Variants in LCA5L observed in about 807,000 individuals in gnomAD.
LCA5L encodes lebercilin LCA5 like.
In LCA5L, 35 loss-of-function variants were observed where a neutral mutation model predicts 45.4. The observed-to-expected ratio is 0.77, with a 90% CI of 0.59 to 1.02. The LOEUF is 1.02. Ranked by LOEUF, LCA5L falls within the 50% of genes least tolerant of loss-of-function variation. LCA5L has a pLI of 0.00. For missense variants in LCA5L, 668 were observed against 761.6 expected, an observed-to-expected ratio of 0.88 and a Z score of 1.45; for synonymous variants, 233 against 264.7, an observed-to-expected ratio of 0.88 and a Z score of 1.16.
At chr21:39,419,139 C>T (rs781460792) in intron 7 of LCA5L, among the ~76,000 whole-genome samples, 16 of 152,056 alleles carry the variant, frequency 1.1e-4, no homozygotes, top group Non-Finnish European at 1.8e-4. Flanking sequence ...CGTCCAGCTC[C>T]GCCCCAACTC....
intron 5 of LCA5L, among the ~76,000 whole-genome samples, chr21:39,424,737 A>G (rs919470196): frequency 1.3e-5 from 2 of 152,340 alleles, no homozygotes; most frequent in East Asian, 1.9e-4. Flanking sequence ...AATAAATCCA[A>G]CACAGTTAAT....
intron 8 of LCA5L, chr21:39,410,721 G>C (rs1343426878): frequency 2.5e-6 from 1 of 408,006 alleles, no homozygotes; most frequent in East Asian, 7.0e-5. Flanking sequence ...TTGATTATCA[G>C]TGGTTAGACT....
rs1243624818 is a variant in LCA5L at position 39,406,190 on chromosome 21, G to A, written c.1705C>T (p.His569Tyr). 3 of 1,614,176 alleles carry A rather than the reference G, an allele frequency of 1.9e-6. No homozygotes were observed. In the Admixed American group the frequency reaches 5.0e-5, roughly 27 times the overall value. The change falls in exon 11 of 11, where the codon CAT becomes TAT. Residue 569 changes from histidine (H) to tyrosine (Y), a missense_variant. By Grantham distance (83) the His-to-Tyr change is moderately conservative (BLOSUM62 2). Transcript: ENST00000288350. ...GAGGGCTCATACCCACTGTCAGAATGCTCTAGCTCCATTTCCTCTCTGTTA... is the reference window on the plus strand; with the variant it reads ...GAGGGCTCATACCCACTGTCAGAATACTCTAGCTCCATTTCCTCTCTGTTA... ...LSNREEMELE[H>Y]SDSGYEPSFG...
At chr21:39,434,022 A>G (rs2076048852) in intron 3 of LCA5L, among the ~76,000 whole-genome samples, 1 of 150,720 alleles carries the variant, frequency 6.6e-6, no homozygotes, top group Non-Finnish European at 1.5e-5. Context: ...ACTTGTACAT[A>G]AATTATACTC....
intron 5 of LCA5L, among the ~76,000 whole-genome samples, chr21:39,424,462 C>CA (rs1180754991): frequency 4.6e-5 from 7 of 152,190 alleles, no homozygotes; most frequent in Non-Finnish European, 8.8e-5. Flanking sequence ...GCCTGGGTGA[C>CA]AAAGTGAGAC....
chr21:39,407,926 T>C (rs1392058183), intron 10 of LCA5L: 4 of 152,224 alleles, frequency 2.6e-5, no homozygotes, highest in Non-Finnish European at 5.9e-5. Context: ...CGGTGAGTTC[T>C]GTCAAACTAC....
rs779480022 is a variant in LCA5L, at chr21:39,409,941, G to GA, written c.1282+37dup. 1 of 1,188,320 alleles carries GA rather than the reference G, an allele frequency of 8.4e-7. No homozygotes were observed. The allele number at this position is 1,188,320 out of a possible 1,614,324, so 73.6% of individuals were successfully genotyped here. On this transcript the variant is annotated intron_variant, in intron 10 of 10. Transcript: ENST00000288350. This position sits in a 1 kb window ranked among gnomAD's most constrained non-coding sequence, Gnocchi z 4.2. Reference sequence around the variant, plus strand: ...ACATATAGTAATTCACAATTTTAAAGAAATCAGATAAGATAGACTTTAAAG... The same window carrying GA: ...ACATATAGTAATTCACAATTTTAAAGAAAATCAGATAAGATAGACTTTAAAG...
At chr21:39,438,155 T>C (rs1916031986) in intron 2 of LCA5L, among the ~76,000 whole-genome samples, 1 of 152,130 alleles carries the variant, frequency 6.6e-6, no homozygotes, top group Non-Finnish European at 1.5e-5. Context: ...TACTAATGCT[T>C]TGACAGAACA....
At chr21:39,437,001 G>A (rs955674831) in intron 2 of LCA5L, among the ~76,000 whole-genome samples, 1 of 152,180 alleles carries the variant, frequency 6.6e-6, no homozygotes, top group Non-Finnish European at 1.5e-5. Context: ...CACAAGGCAT[G>A]CATTCTGGCT....
chr21:39,430,673 C>T (rs530146831), intron 3 of LCA5L, among the ~76,000 whole-genome samples: 2 of 152,218 alleles, frequency 1.3e-5, no homozygotes, highest in Non-Finnish European at 2.9e-5. Context: ...TCCCCCCATC[C>T]CCCCAGCTGA....
chr21:39,414,764 G>T (rs1233348604), intron 7 of LCA5L, among the ~76,000 whole-genome samples: 4 of 151,228 alleles, frequency 2.6e-5, no homozygotes, highest in Admixed American at 2.6e-4. Context: ...GTGTGTGTGT[G>T]TGTGTGTGTG....
In LCA5L at chr21:39,409,478, G is replaced by T. The variant is rs1490150351; in HGVS notation, c.1282+501C>A. Among the ~76,000 whole-genome samples the T allele has an allele frequency of 6.6e-6, 1 of 152,168 alleles. No individual in the cohort carries two copies. On this transcript the variant is annotated intron_variant, in intron 10 of 10. Transcript: ENST00000288350. This position sits in a 1 kb window ranked among gnomAD's most constrained non-coding sequence, Gnocchi z 4.2. ...TGGTTTCTGGTGGGCAGGGCGAGGGGATATGATTGTGAAGGGCCCAAGGGT... is the reference window on the plus strand; with the variant it reads ...TGGTTTCTGGTGGGCAGGGCGAGGGTATATGATTGTGAAGGGCCCAAGGGT...
At chr21:39,407,799 A>G (rs1174581207) in intron 10 of LCA5L, 1 of 152,236 alleles carries the variant, frequency 6.6e-6, no homozygotes, top group African/African-American at 2.4e-5. Context: ...CTAGGACACT[A>G]TGAATTAGGA....
chr21:39,427,650 A>G (rs1420769666), intron 5 of LCA5L: 4 of 151,318 alleles, frequency 2.6e-5, no homozygotes, highest in Non-Finnish European at 5.9e-5. Flanking sequence ...TAACCAGAGC[A>G]AGACTCTGTC....
At position 39,409,745 on chromosome 21, in the gene LCA5L, G is replaced by T. The variant is rs374529494; in HGVS notation, c.1282+234C>A. Among the ~76,000 whole-genome samples, 1 of 152,032 alleles carries T rather than the reference G, an allele frequency of 6.6e-6. No individual in the cohort carries two copies. Among genetic ancestry groups the T allele is most frequent in the Admixed American group, 6.6e-5 (1 of 15,236 alleles). Reference sequence around the variant, plus strand: ...GTAGCTGGGATTACAGGCACATACCGCCATGTGCGGTTAAGTTTTGTATTT... The same window carrying T: ...GTAGCTGGGATTACAGGCACATACCTCCATGTGCGGTTAAGTTTTGTATTT... On this transcript the variant is annotated intron_variant, in intron 10 of 10. Coordinates refer to ENST00000288350, the MANE Select transcript of LCA5L (RefSeq NM_152505.4). The surrounding 1 kb of genome is among the most constrained non-coding windows in gnomAD (Gnocchi z 4.2).
At chr21:39,431,646 T>G (rs533022885) in intron 3 of LCA5L, among the ~76,000 whole-genome samples, 2 of 152,098 alleles carry the variant, frequency 1.3e-5, no homozygotes, top group Non-Finnish European at 2.9e-5. Context: ...GCCTCCCAAG[T>G]AGCTGGGACT....
Position 39,432,639 on chromosome 21 carries a change from C to G in LCA5L, c.-92+2781G>C, listed in dbSNP as rs537230491. On this transcript the variant is annotated intron_variant, in intron 3 of 10. Coordinates refer to ENST00000288350, the MANE Select transcript of LCA5L (RefSeq NM_152505.4). ...AACCACATAATCTCCCAAAGCCTCC[C>G]AGCACCCCATTGTAATTCCTCTCAT... Among the ~76,000 whole-genome samples, 4 of 152,328 alleles carry G rather than the reference C, an allele frequency of 2.6e-5. No homozygotes were observed. The South Asian group carries it at 6.2e-4, about 24-fold the overall frequency.
chr21:39,431,794 G>A (rs904361512), intron 3 of LCA5L, among the ~76,000 whole-genome samples: 3 of 152,176 alleles, frequency 2.0e-5, no homozygotes, highest in Non-Finnish European at 4.4e-5. Context: ...GGGATTACAG[G>A]TGTAAGCCAG....
In LCA5L at chr21:39,445,714, G is replaced by C. The variant is rs1344089905; in HGVS notation, c.-313+11C>G. Reference sequence around the variant, plus strand: ...GGCTGAGGGGGACGACGGCAGCAGCGGGGCCGTTACCTGCTCCGCGCTGTT... The same window carrying C: ...GGCTGAGGGGGACGACGGCAGCAGCCGGGCCGTTACCTGCTCCGCGCTGTT... On this transcript the variant is annotated intron_variant, in intron 1 of 10. Transcript: ENST00000288350. 6.6e-6 allele frequency: 1 copy of C among 152,356 alleles called. No individual in the cohort carries two copies. Among genetic ancestry groups the C allele is most frequent in the African/African-American group, 2.4e-5 (1 of 41,454 alleles). The allele number at this position is 152,356 out of a possible 1,614,324, so 9.4% of individuals were successfully genotyped here.
Sources: gnomAD v4.1 joint callset for allele counts (sites outside exome capture counted in the v4.1 genomes callset) on GRCh38, gnomAD v4.1.1 for gene constraint, Gnocchi (gnomAD v3.1) non-coding constraint, MANE v1.5 for transcripts, NCBI Gene and HGNC (gene_info 2026-07-23, HGNC 2026-07-21) for gene names.